Variants in RABGAP1L observed in about 807,000 individuals in gnomAD.
RABGAP1L encodes rab GTPase-activating protein 1-like.
In RABGAP1L, 63 loss-of-function variants were observed where a neutral mutation model predicts 137.7. The ratio of observed to expected loss-of-function variants is 0.46; its 90% CI spans 0.37 to 0.56. The LOEUF is 0.56. RABGAP1L is among the 20% of genes least tolerant of loss of function. The probability of loss-of-function intolerance (pLI) is 0.00; values close to 1 mark genes in which losing one functional copy is unlikely to be tolerated. For synonymous variants in RABGAP1L, 431 were observed against 433.7 expected, an observed-to-expected ratio of 0.99 and a Z score of 0.08; for missense variants, 1,095 against 1,244.0, an observed-to-expected ratio of 0.88 and a Z score of 1.80.
At chr1:174,409,767 AC>A (rs1649691588) in intron 13 of RABGAP1L, among the ~76,000 whole-genome samples, 3 of 151,950 alleles carry the variant, frequency 2.0e-5, no homozygotes, top group Admixed American at 1.3e-4. Flanking sequence ...ACTGAAATTC[AC>A]CCTGGTCTCC....
chr1:174,572,167 A>C (rs1360976182), intron 13 of RABGAP1L, among the ~76,000 whole-genome samples: 2 of 152,236 alleles, frequency 1.3e-5, no homozygotes, highest in African/African-American at 4.8e-5. Context: ...AAGAAGTTTC[A>C]CATGGACTAC....
At chr1:174,507,017 G>A (rs1027210437) in intron 13 of RABGAP1L, among the ~76,000 whole-genome samples, 8 of 152,238 alleles carry the variant, frequency 5.3e-5, no homozygotes, top group South Asian at 4.1e-4. Flanking sequence ...GGGCTGAGGC[G>A]GGAGGATCCC....
chr1:174,466,922 A>G (rs1365701986), intron 13 of RABGAP1L, among the ~76,000 whole-genome samples: 2 of 152,188 alleles, frequency 1.3e-5, no homozygotes, highest in Non-Finnish European at 2.9e-5. Context: ...TTGGTTTCCT[A>G]ATAATTGTAT....
intron 19 of RABGAP1L, among the ~76,000 whole-genome samples, chr1:174,829,842 T>C (rs2148908776): frequency 1.3e-5 from 2 of 148,870 alleles, no homozygotes; most frequent in Middle Eastern, 7.1e-3. Flanking sequence ...TTCATAATTA[T>C]CCATTTATTT....
intron 13 of RABGAP1L, among the ~76,000 whole-genome samples, chr1:174,577,436 C>G (rs1668463786): frequency 6.6e-6 from 1 of 151,788 alleles, no homozygotes. Context: ...TTAAAAAACA[C>G]CTATAAAGTG....
chr1:174,870,323 G>GCTTCCCCATCTGCAGAGGGA (rs1386185977), intron 19 of RABGAP1L, among the ~76,000 whole-genome samples: 10 of 152,074 alleles, frequency 6.6e-5, no homozygotes, highest in African/African-American at 2.4e-4. Context: ...TTCCATGAAG[G>GCTTCCCCATCTGCAGAGGGA]CTTCCCCATC....
In RABGAP1L at chr1:174,231,346, G is replaced by C; in HGVS notation, c.533G>C (p.Gly178Ala). The C allele has an allele frequency of 6.2e-7, 1 of 1,613,390 alleles. No homozygotes were observed. The highest frequency in any genetic ancestry group is 1.7e-4 in the Middle Eastern group (1 of 6,058). Residue 178 changes from glycine (G) to alanine (A), a missense_variant, in exon 4 of 26, where the codon GGT (glycine) becomes GCT (alanine). Around this residue, in one of 4 missense-constraint regions of RABGAP1L, gnomAD observed 356 missense variants for 326.3 expected, o/e 1.09. Transcript: ENST00000681986. ...CTGTATGTACCAAATGTTCCAGAAG[G>C]TTCTGTGAGGTAAGCTCTAATTTGT... is the stretch of plus-strand genomic sequence containing the variant. ...VTLYVPNVPE[G>A]SVRIIDQSSN...
At chr1:174,321,984 G>T (rs1405391329) in intron 11 of RABGAP1L, among the ~76,000 whole-genome samples, 1 of 136,732 alleles carries the variant, frequency 7.3e-6, no homozygotes, top group Non-Finnish European at 1.6e-5. Flanking sequence ...ATATATATTA[G>T]ACAATTTTTT....
intron 13 of RABGAP1L, among the ~76,000 whole-genome samples, chr1:174,437,907 C>A (rs1027179427): frequency 1.3e-5 from 2 of 152,078 alleles, no homozygotes; most frequent in African/African-American, 4.8e-5. Context: ...AGAGTGGGGG[C>A]CAATATTCAA....
intron 1 of RABGAP1L, among the ~76,000 whole-genome samples, chr1:174,188,756 A>T (rs1039172494): frequency 6.6e-5 from 10 of 152,224 alleles, no homozygotes; most frequent in African/African-American, 1.9e-4. Context: ...CAATGGTTTT[A>T]AAATACTCAG....
intron 14 of RABGAP1L, among the ~76,000 whole-genome samples, chr1:174,663,675 A>AAGCAAT (rs1483406537): frequency 6.6e-6 from 1 of 152,204 alleles, no homozygotes; most frequent in Non-Finnish European, 1.5e-5. Flanking sequence ...GCTTAAATTT[A>AAGCAAT]TTTGTAACCA....
chr1:174,909,805 C>G (rs1659759405), intron 19 of RABGAP1L, among the ~76,000 whole-genome samples: 3 of 152,112 alleles, frequency 2.0e-5, no homozygotes, highest in Non-Finnish European at 4.4e-5. Context: ...CCTACCAAGA[C>G]TGAACCATAA....
At position 174,422,565 on chromosome 1, in the gene RABGAP1L, T is replaced by A. The variant is rs1340101056; in HGVS notation, c.1710+28420T>A. On this transcript the variant is annotated intron_variant, in intron 13 of 25. Coordinates refer to ENST00000681986, the MANE Select transcript of RABGAP1L (RefSeq NM_001366446.1). ...GGCCAGTAATAATTCTATCCCCTTT[T>A]ATTGATATGCAAATACAGGCCCAAG... Among the ~76,000 whole-genome samples, 3 of 152,288 alleles carry A rather than the reference T, an allele frequency of 2.0e-5. No homozygotes were observed. The East Asian group carries it at 5.8e-4, about 29-fold the overall frequency.
chr1:174,374,587 T>C (rs1271024514), intron 12 of RABGAP1L, among the ~76,000 whole-genome samples: 2 of 152,186 alleles, frequency 1.3e-5, no homozygotes, highest in Non-Finnish European at 2.9e-5. Context: ...TTGTCCGTAA[T>C]TTACTCCCAA....
In RABGAP1L at chr1:174,278,617, G is replaced by A. The variant is rs1423367118; in HGVS notation, c.1161G>A (p.Lys387=). The change falls in exon 10 of 26, where the codon AAG becomes AAA. Residue 387 remains lysine (K), a synonymous_variant. Coordinates refer to ENST00000681986, the MANE Select transcript of RABGAP1L (RefSeq NM_001366446.1). ...LALNEETPKD[K]QVYMTVAVDM... is the part of the protein sequence containing the mutation. The stretch of plus-strand genomic sequence containing the variant: ...CCCAGAAAATTTCTACTACAGATAA[G>A]CAAGTATACATGACTGTGGCAGTGG... The A allele has an allele frequency of 3.1e-6, 5 of 1,607,580 alleles. No homozygotes were observed. The highest frequency in any genetic ancestry group is 1.7e-6 in the Non-Finnish European group (2 of 1,177,894).
chr1:174,555,338 T>G (rs1409949042), intron 13 of RABGAP1L, among the ~76,000 whole-genome samples: 1 of 152,226 alleles, frequency 6.6e-6, no homozygotes. Flanking sequence ...TCTAATGTGT[T>G]TTTAATATAG....
chr1:174,791,980 C>T lies in RABGAP1L; in HGVS notation c.2212-19852C>T, dbSNP rs555040678. Among the ~76,000 whole-genome samples the T allele has an allele frequency of 5.3e-5, 8 of 152,286 alleles. No homozygotes were observed. The East Asian group carries it at 7.7e-4, about 15-fold the overall frequency. ...AGGCTCAGGTTCCTGACCAGTTCCACGTGGAATAAAGTGGTGAAGCATAAT... is the reference window on the plus strand; with the variant it reads ...AGGCTCAGGTTCCTGACCAGTTCCATGTGGAATAAAGTGGTGAAGCATAAT... On this transcript the variant is annotated intron_variant, in intron 18 of 25. Transcript: ENST00000681986.
chr1:174,476,732 C>T (rs1047800718), intron 13 of RABGAP1L, among the ~76,000 whole-genome samples: 2 of 152,154 alleles, frequency 1.3e-5, no homozygotes, highest in African/African-American at 4.8e-5. Flanking sequence ...TCCAGAAGTT[C>T]CAAAGCGGTA....
intron 11 of RABGAP1L, among the ~76,000 whole-genome samples, chr1:174,338,475 A>G (rs550174726): frequency 3.0e-4 from 45 of 151,924 alleles, no homozygotes; most frequent in Non-Finnish European, 5.6e-4. Flanking sequence ...TCCTGTAGCA[A>G]TGTTTTTGTC....
Sources: allele counts gnomAD v4.1 joint callset (sites outside exome capture counted in the v4.1 genomes callset), GRCh38; gene constraint gnomAD v4.1.1; regional missense constraint gnomAD v4.1.1; transcripts MANE v1.5; gene names NCBI Gene and HGNC (gene_info 2026-07-23, HGNC 2026-07-21).